The following DPP9 variants were observed in gnomAD, a reference collection of about 807,000 sequenced individuals.
DPP9 encodes the protein dipeptidyl peptidase IV-related protein-2.
In DPP9, 50 loss-of-function variants were observed where a neutral mutation model predicts 110.7. The ratio of observed to expected loss-of-function variants is 0.45; its 90% CI spans 0.36 to 0.57. The LOEUF (loss-of-function observed/expected upper bound fraction) is 0.57, where lower values mean the gene tolerates loss of function less well. Among genes scored for constraint, DPP9 ranks in the 20% least tolerant of loss-of-function variants. The pLI is 0.00. For missense variants in DPP9, 1,022 were observed against 1,217.9 expected (o/e 0.84, Z 2.39); for synonymous variants, 561 against 514.4 (o/e 1.09, Z -1.23).
intron 4 of DPP9, among the ~76,000 whole-genome samples, chr19:4,709,786 A>C (rs560265971): frequency 6.6e-5 from 10 of 150,728 alleles, no homozygotes; most frequent in Admixed American, 1.3e-4. Flanking sequence ...TGTGAATTAC[A>C]TCTCAATTTT....
In DPP9 at chr19:4,685,614, G is replaced by A. The variant is rs746049293; in HGVS notation, c.2031+12C>T. ...GGTGGGGTGGGGGCCTGGGGAGCAGGTGTGCACTCACCTGGGGGCCTCCAT... is the reference window on the plus strand; with the variant it reads ...GGTGGGGTGGGGGCCTGGGGAGCAGATGTGCACTCACCTGGGGGCCTCCAT... On this transcript the variant is annotated intron_variant, in intron 17 of 21. Coordinates refer to ENST00000262960, the MANE Select transcript of DPP9 (RefSeq NM_139159.5). This position sits in a 1 kb window ranked among gnomAD's most constrained non-coding sequence, Gnocchi z 5.8. 8.3e-5 allele frequency: 133 copies of A among 1,597,284 alleles called. No individual in the cohort carries two copies. Among genetic ancestry groups the A allele is most frequent in the Non-Finnish European group, 1.1e-4 (131 of 1,172,916 alleles).
intron 2 of DPP9, among the ~76,000 whole-genome samples, chr19:4,720,544 C>A (rs78322984): frequency 2.0e-5 from 3 of 152,202 alleles, no homozygotes; most frequent in Non-Finnish European, 2.9e-5. Flanking sequence ...CACACCCAGA[C>A]GCTGATACAA....
At position 4,698,707 on chromosome 19, in the gene DPP9, A is replaced by G. The variant is rs2091999170; in HGVS notation, c.1075-1056T>C. On this transcript the variant is annotated intron_variant, in intron 10 of 21. Coordinates refer to ENST00000262960, the MANE Select transcript of DPP9 (RefSeq NM_139159.5). The surrounding 1 kb of genome is among the most constrained non-coding windows in gnomAD (Gnocchi z 4.2). Reference sequence around the variant, plus strand: ...TGAGGCTGCAGTGGGTCATGATTGCACCAGTGTACTCCAGCCTAGACGACA... The same window carrying G: ...TGAGGCTGCAGTGGGTCATGATTGCGCCAGTGTACTCCAGCCTAGACGACA... 6.6e-6 allele frequency among the ~76,000 whole-genome samples: 1 copy of G among 152,014 alleles called. No individual in the cohort carries two copies. The highest frequency in any genetic ancestry group is 2.1e-4 in the South Asian group (1 of 4,812).
At chr19:4,711,669 A>T (rs1402809880) in intron 4 of DPP9, among the ~76,000 whole-genome samples, 1 of 146,176 alleles carries the variant, frequency 6.8e-6, no homozygotes, top group East Asian at 2.1e-4. Flanking sequence ...GCTACTCGGG[A>T]GGCTGAGGTA....
In DPP9 at chr19:4,700,378, G is replaced by T; in HGVS notation, c.1013-101C>A. The T allele has an allele frequency of 1.1e-6, 1 of 905,082 alleles. No individual in the cohort carries two copies. Among genetic ancestry groups the T allele is most frequent in the Non-Finnish European group, 1.6e-6 (1 of 616,406 alleles). The allele number at this position is 905,082 out of a possible 1,614,324, so 56.1% of individuals were successfully genotyped here. ...GCTGTGGGGTGACGTCCACAGAGAG[G>T]TGTACAATTGGAGTGGGGGAGGCAG... is the stretch of plus-strand genomic sequence containing the variant. On this transcript the variant is annotated intron_variant, in intron 9 of 21. Coordinates refer to ENST00000262960, the MANE Select transcript of DPP9 (RefSeq NM_139159.5). The surrounding 1 kb of genome is among the most constrained non-coding windows in gnomAD (Gnocchi z 4.3).
In DPP9 at chr19:4,694,825, T is replaced by C; in HGVS notation, c.1354-2A>G. 1 of 1,613,608 alleles carries C rather than the reference T, an allele frequency of 6.2e-7. No homozygotes were observed. The highest frequency in any genetic ancestry group is 8.5e-7 in the Non-Finnish European group (1 of 1,179,770). ...GAAGGGATAGAAGATGTCATGAACCTGTCCGGAAAGCAGATAGAAGATGCG... is the reference window on the plus strand; with the variant it reads ...GAAGGGATAGAAGATGTCATGAACCCGTCCGGAAAGCAGATAGAAGATGCG... On this transcript the variant is annotated splice_acceptor_variant, in intron 12 of 21. Transcript: ENST00000262960. LOFTEE classifies it high-confidence loss of function. The surrounding 1 kb of genome is among the most constrained non-coding windows in gnomAD (Gnocchi z 4.0).
Position 4,694,307 on chromosome 19 carries a change from ACAGT to A in DPP9, c.1516+350_1516+353del, listed in dbSNP as rs2091594633. ...TGCTGCAGCACAAAAGCGACCACAGACAGTCTCTGTAAACAAGTGGCTGTGGCTC... is the reference window on the plus strand; with the variant it reads ...TGCTGCAGCACAAAAGCGACCACAGACTCTGTAAACAAGTGGCTGTGGCTC... On this transcript the variant is annotated intron_variant, in intron 13 of 21. Coordinates refer to ENST00000262960, the MANE Select transcript of DPP9 (RefSeq NM_139159.5). This position sits in a 1 kb window ranked among gnomAD's most constrained non-coding sequence, Gnocchi z 4.0. The A allele has an allele frequency of 2.3e-6, 1 of 435,256 alleles. No individual in the cohort carries two copies. Among genetic ancestry groups the A allele is most frequent in the Non-Finnish European group, 4.1e-6 (1 of 245,186 alleles). 27.0% of individuals were successfully genotyped at this position (435,256 alleles called of 1,614,324 possible).
Position 4,695,244 on chromosome 19 carries a change from A to G in DPP9, c.1353+134T>C. On this transcript the variant is annotated intron_variant, in intron 12 of 21. Transcript: ENST00000262960. This position sits in a 1 kb window ranked among gnomAD's most constrained non-coding sequence, Gnocchi z 4.7. ...TCTTCCCTGCCAGCCAGGGATGGCC[A>G]AGGCCTGAGCTCACTTCTCCACACA... is the stretch of plus-strand genomic sequence containing the variant. 9.9e-7 allele frequency: 1 copy of G among 1,011,932 alleles called. No individual in the cohort carries two copies. Among genetic ancestry groups the G allele is most frequent in the Non-Finnish European group, 1.4e-6 (1 of 713,760 alleles). 62.7% of individuals were successfully genotyped at this position (1,011,932 alleles called of 1,614,324 possible).
chr19:4,703,877 T>G lies in DPP9; in HGVS notation c.769+9A>C. On this transcript the variant is annotated intron_variant, in intron 7 of 21. Coordinates refer to ENST00000262960, the MANE Select transcript of DPP9 (RefSeq NM_139159.5). ...TATGGTGGCCGTGCACAGGAGGGGC[T>G]GGCCCCACCTTGGTGGCAGAAGGTC... 1 of 1,595,154 alleles carries G rather than the reference T, an allele frequency of 6.3e-7. No homozygotes were observed. The highest frequency in any genetic ancestry group is 1.1e-5 in the South Asian group (1 of 88,328).
At position 4,704,246 on chromosome 19, in the gene DPP9, C is replaced by T; in HGVS notation, c.485G>A (p.Arg162His). The part of the protein sequence containing the change: ...REEELLRERK[R>H]LGVFGITSYD... ...GGAGGTGATGCCGAAGACCCCCAGG[C>T]GTTTCCGCTCCCTCAGCAGCTCCTC... Residue 162 changes from arginine (R) to histidine (H), a missense_variant, in exon 6 of 22, where the codon CGC (arginine) becomes CAC (histidine). By Grantham distance (29) the Arg-to-His change is conservative. This residue lies in a region of DPP9 where 810 missense variants were observed against 920.6 expected (regional missense o/e 0.88). Coordinates refer to ENST00000262960, the MANE Select transcript of DPP9 (RefSeq NM_139159.5). This position sits in a 1 kb window ranked among gnomAD's most constrained non-coding sequence, Gnocchi z 6.0. The T allele has an allele frequency of 6.2e-7, 1 of 1,613,934 alleles. No individual in the cohort carries two copies. The highest frequency in any genetic ancestry group is 8.5e-7 in the Non-Finnish European group (1 of 1,179,894).
At chr19:4,692,342 G>A (rs10406145) in intron 13 of DPP9, among the ~76,000 whole-genome samples, 2 of 151,930 alleles carry the variant, frequency 1.3e-5, no homozygotes, top group Admixed American at 1.3e-4. Context: ...AACAAGCTAC[G>A]GCAAACGTGT....
At position 4,682,611 on chromosome 19, in the gene DPP9, C is replaced by T. The variant is rs1282866977; in HGVS notation, c.2474+85G>A. 3 of 1,541,184 alleles carry T rather than the reference C, an allele frequency of 1.9e-6. No homozygotes were observed. Among genetic ancestry groups the T allele is most frequent in the East Asian group, 4.8e-5 (2 of 41,860 alleles). On this transcript the variant is annotated intron_variant, in intron 20 of 21. Coordinates refer to ENST00000262960, the MANE Select transcript of DPP9 (RefSeq NM_139159.5). This position sits in a 1 kb window ranked among gnomAD's most constrained non-coding sequence, Gnocchi z 7.1. ...GCTCCCTGGGCAGGGCCAGCTGGGGCAGGAGGGCACCCTCATAGAGACAGC... is the reference window on the plus strand; with the variant it reads ...GCTCCCTGGGCAGGGCCAGCTGGGGTAGGAGGGCACCCTCATAGAGACAGC...
Position 4,700,173 on chromosome 19 carries a change from G to C in DPP9, c.1074+43C>G. On this transcript the variant is annotated intron_variant, in intron 10 of 21. Transcript: ENST00000262960. This position sits in a 1 kb window ranked among gnomAD's most constrained non-coding sequence, Gnocchi z 4.3. ...CCAGCTGCCTACCCGGCCCTTCCCC[G>C]CATCATCTAGTAGATTATCTGGTAT... 1 of 1,472,062 alleles carries C rather than the reference G, an allele frequency of 6.8e-7. No homozygotes were observed. The highest frequency in any genetic ancestry group is 9.2e-7 in the Non-Finnish European group (1 of 1,085,702). The allele number at this position is 1,472,062 out of a possible 1,614,324, so 91.2% of individuals were successfully genotyped here. A position where few individuals can be genotyped will look rare whatever the true frequency, so the allele number is the denominator to read the frequency against.
rs1477441466 is a variant in DPP9, at chr19:4,718,166, C to T, written c.56+1685G>A. Among the ~76,000 whole-genome samples, 1 of 152,152 alleles carries T rather than the reference C, an allele frequency of 6.6e-6. No homozygotes were observed. The highest frequency in any genetic ancestry group is 2.4e-5 in the African/African-American group (1 of 41,424). ...AACTCCTGGGCTCCAGCGATCCTGC[C>T]ACCTCGGTCTAGCAAATAGCTGGGA... On this transcript the variant is annotated intron_variant, in intron 3 of 21. Coordinates refer to ENST00000262960, the MANE Select transcript of DPP9 (RefSeq NM_139159.5). The surrounding 1 kb of genome is among the most constrained non-coding windows in gnomAD (Gnocchi z 4.3).
rs2090512628 is a variant in DPP9, at chr19:4,685,192, AC to A, written c.2032-384del. The A allele has an allele frequency of 1.9e-6, 1 of 525,690 alleles. No individual in the cohort carries two copies. The highest frequency in any genetic ancestry group is 3.7e-6 in the Non-Finnish European group (1 of 272,366). The allele number at this position is 525,690 out of a possible 1,614,324, so 32.6% of individuals were successfully genotyped here. The stretch of plus-strand genomic sequence containing the variant: ...TCGCAGTGGTGATGAACCACAAAGT[AC>A]CCAGACATCGCCCCGTATCCTCTGT... On this transcript the variant is annotated intron_variant, in intron 17 of 21. Coordinates refer to ENST00000262960, the MANE Select transcript of DPP9 (RefSeq NM_139159.5). The surrounding 1 kb of genome is among the most constrained non-coding windows in gnomAD (Gnocchi z 5.8).
In DPP9 at chr19:4,683,493, T is replaced by G. The variant is rs1390585909; in HGVS notation, c.2315A>C (p.Lys772Thr). The G allele has an allele frequency of 6.2e-7, 1 of 1,613,094 alleles. No individual in the cohort carries two copies. Among genetic ancestry groups the G allele is most frequent in the East Asian group, 2.2e-5 (1 of 44,884 alleles). ...GFLSLMGLIH[K>T]PQVFKVAIAG... ...GGGACCCACCTTGAACACCTGGGGC[T>G]TGTGGATTAGCCCCATGAGCGAGAG... is the stretch of plus-strand genomic sequence containing the variant. The change falls in exon 19 of 22, where the codon AAG (lysine) becomes ACG (threonine). Residue 772 changes from lysine (K) to threonine (T), a missense_variant. By Grantham distance (78) the Lys-to-Thr change is moderately conservative. This residue lies in a region of DPP9 where 209 missense variants were observed against 280.4 expected (regional missense o/e 0.75). Coordinates refer to ENST00000262960, the MANE Select transcript of DPP9 (RefSeq NM_139159.5).
chr19:4,688,555 C>T, intron 16 of DPP9: 6 of 650,808 alleles, frequency 9.2e-6, no homozygotes, highest in South Asian at 4.3e-5. Context: ...TACTGCAGCT[C>T]GAACCCAGGA....
intron 20 of DPP9, among the ~76,000 whole-genome samples, chr19:4,681,911 C>T (rs910042238): frequency 2.0e-5 from 3 of 147,656 alleles, no homozygotes; most frequent in South Asian, 2.2e-4. Context: ...CAGTGGCGCA[C>T]GATCTCGGCT....
rs571844811 is a variant in DPP9 at position 4,705,808 on chromosome 19, T to C, written c.426+50A>G. 10 of 1,585,642 alleles carry C rather than the reference T, an allele frequency of 6.3e-6. No individual in the cohort carries two copies. In the African/African-American group the frequency reaches 1.2e-4, roughly 19 times the overall value. The stretch of plus-strand genomic sequence containing the variant: ...CATGTATGGCCTGTGGGGCTGGCCT[T>C]TGCCACCTCCTCGCCCACGGTAGGG... On this transcript the variant is annotated intron_variant, in intron 5 of 21. Coordinates refer to ENST00000262960, the MANE Select transcript of DPP9 (RefSeq NM_139159.5).
Sources: gnomAD v4.1 joint callset for allele counts (sites outside exome capture counted in the v4.1 genomes callset) on GRCh38, gnomAD v4.1.1 for gene constraint, gnomAD v4.1.1 regional missense constraint, Gnocchi (gnomAD v3.1) non-coding constraint, MANE v1.5 for transcripts, NCBI Gene and HGNC (gene_info 2026-07-23, HGNC 2026-07-21) for gene names.